ETS1: variants seen among roughly 807,000 people sequenced by gnomAD.
ETS1 encodes the protein protein C-ets-1.
ETS1 carries 15 observed loss-of-function variants against 58.6 expected under a neutral mutation model. The ratio of observed to expected loss-of-function variants is 0.26; its 90% CI spans 0.17 to 0.39. The LOEUF is 0.39. Ranked by LOEUF, ETS1 falls within the 10% of genes least tolerant of loss-of-function variation. The pLI is 1.00. For missense variants in ETS1, 417 were observed against 610.5 expected (o/e 0.68, Z 3.34); for synonymous variants, 214 against 218.2 (o/e 0.98, Z 0.17).
At chr11:128,585,572 CA>C (rs1050331172) in intron 1 of ETS1, among the ~76,000 whole-genome samples, 4 of 152,180 alleles carry the variant, frequency 2.6e-5, no homozygotes, top group African/African-American at 9.6e-5. Flanking sequence ...TATTTGTTTG[CA>C]GTGTTTTGCC....
chr11:128,496,238 G>A (rs1862937702), intron 3 of ETS1, among the ~76,000 whole-genome samples: 1 of 152,034 alleles, frequency 6.6e-6, no homozygotes, highest in African/African-American at 2.4e-5. Flanking sequence ...TTCTTTCAAA[G>A]CAACACTGTC....
intron 1 of ETS1, among the ~76,000 whole-genome samples, chr11:128,575,704 G>T (rs1864731653): frequency 6.6e-6 from 1 of 152,198 alleles, no homozygotes; most frequent in African/African-American, 2.4e-5. Flanking sequence ...TATGGAAAAA[G>T]AAATAGGAAG....
intron 2 of ETS1, among the ~76,000 whole-genome samples, chr11:128,562,131 G>A (rs1249930992): frequency 6.6e-6 from 1 of 152,204 alleles, no homozygotes; most frequent in Non-Finnish European, 1.5e-5. Flanking sequence ...GGCCGGACGC[G>A]GTGGCTCACG....
chr11:128,515,267 C>G (rs534940986), intron 3 of ETS1, among the ~76,000 whole-genome samples: 2 of 151,386 alleles, frequency 1.3e-5, no homozygotes, highest in African/African-American at 2.4e-5. Context: ...CACACACACA[C>G]ACACACGCGC....
Position 128,544,336 on chromosome 11 carries a change from T to C in ETS1, c.214+11955A>G, listed in dbSNP as rs1864098268. On this transcript the variant is annotated intron_variant, in intron 3 of 9. Coordinates refer to ENST00000392668, the MANE Select transcript of ETS1 (RefSeq NM_001143820.2). ...GCAGATGAAAAAGTGATTAATTGTT[T>C]ACTAATATATATATATATATATATA... Among the ~76,000 whole-genome samples the C allele has an allele frequency of 5.1e-5, 6 of 116,938 alleles. No individual in the cohort carries two copies. In the South Asian group the frequency reaches 2.0e-3, roughly 39 times the overall value. 76.7% of individuals were successfully genotyped at this position (116,938 alleles called of 152,430 possible). A position where few individuals can be genotyped will look rare whatever the true frequency, so the allele number is the denominator to read the frequency against.
intron 3 of ETS1, among the ~76,000 whole-genome samples, chr11:128,534,998 G>T (rs1024726368): frequency 6.6e-6 from 1 of 152,174 alleles, no homozygotes; most frequent in Non-Finnish European, 1.5e-5. Flanking sequence ...TTGAGGAATT[G>T]CCACATTGTC....
intron 3 of ETS1, among the ~76,000 whole-genome samples, chr11:128,525,620 A>G (rs1020703409): frequency 2.6e-4 from 1 of 3,912 alleles, no homozygotes; most frequent in Non-Finnish European, 6.0e-4. Context: ...TAAGATTTAG[A>G]AAAAAAAAAA....
chr11:128,502,257 G>A lies in ETS1; in HGVS notation c.215-11681C>T, dbSNP rs1863110572. Among the ~76,000 whole-genome samples the A allele has an allele frequency of 3.9e-5, 6 of 152,310 alleles. No homozygotes were observed. In the South Asian group the frequency reaches 1.2e-3, roughly 32 times the overall value. ...AATGGGCTTCTTTTTTCTTCGTATA[G>A]TTGCTTCTTAGCCTAGAGGTTCTCT... is the stretch of plus-strand genomic sequence containing the variant. On this transcript the variant is annotated intron_variant, in intron 3 of 9. Coordinates refer to ENST00000392668, the MANE Select transcript of ETS1 (RefSeq NM_001143820.2).
chr11:128,539,250 G>T (rs1864018997), intron 3 of ETS1, among the ~76,000 whole-genome samples: 1 of 152,156 alleles, frequency 6.6e-6, no homozygotes, highest in Non-Finnish European at 1.5e-5. Context: ...TAAACATCCA[G>T]AAAGTAAAAA....
intron 1 of ETS1, among the ~76,000 whole-genome samples, chr11:128,582,847 G>C (rs1375394207): frequency 2.6e-5 from 4 of 151,964 alleles, no homozygotes; most frequent in African/African-American, 7.3e-5. Context: ...ACATCTTTTT[G>C]ATATAATGTC....
chr11:128,569,515 T>C (rs1864584224), intron 2 of ETS1, among the ~76,000 whole-genome samples: 1 of 151,766 alleles, frequency 6.6e-6, no homozygotes, highest in South Asian at 2.1e-4. Flanking sequence ...AAGCTATGCT[T>C]ACCCCTCCAG....
chr11:128,531,752 C>T (rs756166658), intron 3 of ETS1, among the ~76,000 whole-genome samples: 2 of 152,210 alleles, frequency 1.3e-5, no homozygotes, highest in African/African-American at 2.4e-5. Flanking sequence ...CTCTGGATTG[C>T]ACGTTTGATA....
At chr11:128,545,345 G>A (rs1018187312) in intron 3 of ETS1, among the ~76,000 whole-genome samples, 1 of 152,206 alleles carries the variant, frequency 6.6e-6, no homozygotes, top group Non-Finnish European at 1.5e-5. Context: ...CAGCAATGAA[G>A]ATGTGAACAA....
Position 128,462,418 on chromosome 11 carries a change from C to A in ETS1, c.1401G>T (p.Gly467=), listed in dbSNP as rs752957906. The A allele has an allele frequency of 2.7e-5, 44 of 1,614,164 alleles. No individual in the cohort carries two copies. The highest frequency in any genetic ancestry group is 3.6e-5 in the Non-Finnish European group (43 of 1,180,010). Residue 467 remains glycine, a synonymous_variant, in exon 10 of 10, where the codon GGG becomes GGT. Transcript: ENST00000392668. ...RFVCDLQSLL[G]YTPEELHAML... ...TGGCGTGCAGCTCCTCAGGGGTGTA[C>A]CCCAGCAGGCTCTGCAGGTCACACA...
chr11:128,586,669 G>C (rs1247414677), intron 1 of ETS1, among the ~76,000 whole-genome samples: 1 of 152,176 alleles, frequency 6.6e-6, no homozygotes. Context: ...TCCTGCAATA[G>C]AATGCATTGA....
At position 128,489,451 on chromosome 11, in the gene ETS1, A is replaced by G; in HGVS notation, c.374T>C (p.Val125Ala). ...QWTETHVRDWVMWAVNEFSLK... is the reference protein window; with the variant it reads ...QWTETHVRDWAMWAVNEFSLK... ...GCTGAATTCATTCACAGCCCACATC[A>G]CCCAGTCCCGAACATGGGTTTCTGT... The change falls in exon 5 of 10, where the codon GTG becomes GCG. Residue 125 changes from valine to alanine, a missense_variant. Around this residue, in one of 4 missense-constraint regions of ETS1, gnomAD observed 132 missense variants for 212.1 expected, o/e 0.62. Transcript: ENST00000392668. 1.2e-6 allele frequency: 2 copies of G among 1,614,064 alleles called. No homozygotes were observed. Among genetic ancestry groups the G allele is most frequent in the Non-Finnish European group, 1.7e-6 (2 of 1,180,020 alleles).
intron 3 of ETS1, among the ~76,000 whole-genome samples, chr11:128,540,876 A>G (rs1591651275): frequency 6.6e-6 from 1 of 152,206 alleles, no homozygotes; most frequent in African/African-American, 2.4e-5. Context: ...AGGGTGAGGG[A>G]GGTGAAAATC....
intron 1 of ETS1, among the ~76,000 whole-genome samples, chr11:128,582,026 T>C (rs546555851): frequency 2.6e-5 from 4 of 152,340 alleles, no homozygotes; most frequent in Non-Finnish European, 5.9e-5. Flanking sequence ...ATTTGTTTTA[T>C]TACCCGAAAT....
chr11:128,510,198 C>T (rs551566678), intron 3 of ETS1, among the ~76,000 whole-genome samples: 6 of 152,222 alleles, frequency 3.9e-5, no homozygotes, highest in Admixed American at 6.5e-5. Context: ...CGTATCATAT[C>T]TCCCACTAAT....
Sources: allele counts gnomAD v4.1 joint callset (sites outside exome capture counted in the v4.1 genomes callset), GRCh38; gene constraint gnomAD v4.1.1; regional missense constraint gnomAD v4.1.1; transcripts MANE v1.5; gene names NCBI Gene and HGNC (gene_info 2026-07-23, HGNC 2026-07-21).